Variants in TTC7A observed in about 807,000 individuals in gnomAD.
TTC7A encodes tetratricopeptide repeat protein 7A.
A neutral mutation model predicts 103.7 loss-of-function variants in TTC7A; 110 were observed. The ratio of observed to expected loss-of-function variants is 1.06; its 90% CI spans 0.91 to 1.24. The LOEUF (loss-of-function observed/expected upper bound fraction) is 1.24. TTC7A is among the 50% of genes most tolerant of loss of function. The pLI is 0.00. For missense variants in TTC7A, 1,340 were observed against 1,116.3 expected (o/e 1.20, Z -2.86); for synonymous variants, 521 against 467.9 (o/e 1.11, Z -1.47).
intron 2 of TTC7A, among the ~76,000 whole-genome samples, chr2:46,952,275 C>G (rs1671484771): frequency 6.6e-6 from 1 of 152,126 alleles, no homozygotes; most frequent in Admixed American, 6.6e-5. Flanking sequence ...TTCTCATCTG[C>G]TGGTCAAAAG....
In TTC7A at chr2:47,022,853, G is replaced by A. The variant is rs955116891; in HGVS notation, c.1511-555G>A. On this transcript the variant is annotated intron_variant, in intron 12 of 19. Coordinates refer to ENST00000319190, the MANE Select transcript of TTC7A (RefSeq NM_020458.4). ...GGTTGCTTTCTAAGCTTTCGAATCCGGGGAGCTCTGACAACTGTCAATGCT... is the reference window on the plus strand; with the variant it reads ...GGTTGCTTTCTAAGCTTTCGAATCCAGGGAGCTCTGACAACTGTCAATGCT... Among the ~76,000 whole-genome samples, 9 of 152,188 alleles carry A rather than the reference G, an allele frequency of 5.9e-5. No individual in the cohort carries two copies. The East Asian group carries it at 1.2e-3, about 20-fold the overall frequency.
chr2:46,949,967 C>G (rs1038484159), intron 1 of TTC7A, among the ~76,000 whole-genome samples: 9 of 152,094 alleles, frequency 5.9e-5, no homozygotes, highest in Admixed American at 5.9e-4. Context: ...ATTATTAAAC[C>G]ACTTCATGTA....
intron 5 of TTC7A, among the ~76,000 whole-genome samples, chr2:46,979,447 G>A (rs1213852749): frequency 6.6e-6 from 1 of 152,200 alleles, no homozygotes; most frequent in African/African-American, 2.4e-5. Flanking sequence ...TGCTGACGAA[G>A]CAGCAGAAGT....
chr2:47,026,218 A>T (rs1459486950), intron 14 of TTC7A, among the ~76,000 whole-genome samples: 1 of 152,144 alleles, frequency 6.6e-6, no homozygotes, highest in African/African-American at 2.4e-5. Flanking sequence ...CCAAGAGTAC[A>T]TCTGGCTGGC....
Position 47,029,321 on chromosome 2 carries a change from A to G in TTC7A, c.1739A>G (p.Lys580Arg), listed in dbSNP as rs1426773237. 14 of 1,614,082 alleles carry G rather than the reference A, an allele frequency of 8.7e-6. No individual in the cohort carries two copies. The highest frequency in any genetic ancestry group is 1.2e-5 in the Non-Finnish European group (14 of 1,180,014). Residue 580 changes from lysine (K) to arginine (R), a missense_variant, in exon 15 of 20, where the codon AAG becomes AGG. Coordinates refer to ENST00000319190, the MANE Select transcript of TTC7A (RefSeq NM_020458.4). ...HLLALLFSAQ[K>R]HHQHALDVVN... is the part of the protein sequence containing the mutation. The stretch of plus-strand genomic sequence containing the variant: ...CTGGCACTGCTCTTCTCTGCCCAGA[A>G]GCACCACCAGCATGCCCTGGATGTT...
chr2:46,987,809 C>CGTGTGTGT (rs34664382), intron 5 of TTC7A, among the ~76,000 whole-genome samples: 4,909 of 144,540 alleles, frequency 0.034, 145 homozygotes, highest in African/African-American at 0.09. Context: ...CCTTTCCGCG[C>CGTGTGTGT]GTGTGTGTGT....
intron 5 of TTC7A, among the ~76,000 whole-genome samples, chr2:46,980,000 A>G (rs1213023342): frequency 6.6e-6 from 1 of 152,196 alleles, no homozygotes. Context: ...CTCCTCACAC[A>G]CAAGGAAACC....
intron 2 of TTC7A, among the ~76,000 whole-genome samples, chr2:46,928,945 T>C (rs1417341014): frequency 3.3e-5 from 5 of 152,076 alleles, no homozygotes; most frequent in Non-Finnish European, 7.4e-5. Flanking sequence ...GGTGGATTAC[T>C]TGAGGTGAGG....
At chr2:46,957,744 G>T (rs1388145442) in intron 3 of TTC7A, among the ~76,000 whole-genome samples, 3 of 152,170 alleles carry the variant, frequency 2.0e-5, no homozygotes, top group Non-Finnish European at 4.4e-5. Context: ...TGTGCTTCAG[G>T]CTCCTTCTTC....
intron 2 of TTC7A, chr2:46,951,550 CCT>C (rs1203712808): frequency 2.2e-6 from 1 of 454,182 alleles, no homozygotes; most frequent in Non-Finnish European, 4.4e-6. Context: ...GCTTCCTTCC[CCT>C]CTGTCTCTCT....
At chr2:46,950,298 T>A in intron 1 of TTC7A, 65 bp from the exon 2 acceptor site, 1 of 1,573,120 alleles carries the variant, frequency 6.4e-7, no homozygotes, top group Non-Finnish European at 8.7e-7. Context: ...TCCAGGAGTG[T>A]GCAACTCCCT....
chr2:46,994,019 A>G (rs1300282823), intron 6 of TTC7A, among the ~76,000 whole-genome samples: 3 of 152,150 alleles, frequency 2.0e-5, no homozygotes, highest in East Asian at 1.9e-4. Flanking sequence ...CTGTGGCATT[A>G]TGCTCTTCCC....
At chr2:46,950,269 G>A in intron 1 of TTC7A, 94 bp from the exon 2 acceptor site, 2 of 1,321,826 alleles carry the variant, frequency 1.5e-6, no homozygotes, top group Non-Finnish European at 2.1e-6. Flanking sequence ...CATGTACTGG[G>A]TATGGGTGGT....
chr2:46,994,563 A>G (rs1558551559), intron 7 of TTC7A, 49 bp downstream of exon 7: 1 of 1,594,818 alleles, frequency 6.3e-7, no homozygotes, highest in African/African-American at 1.3e-5. Context: ...CATCTCACGC[A>G]GGGTTCTGTC....
At position 46,943,832 on chromosome 2, in the gene TTC7A, A is replaced by G. The variant is rs199673732; in HGVS notation, c.184+2107A>G. Among the ~76,000 whole-genome samples, 8 of 152,314 alleles carry G rather than the reference A, an allele frequency of 5.3e-5. No individual in the cohort carries two copies. In the East Asian group the frequency reaches 1.2e-3, roughly 22 times the overall value. Reference sequence around the variant, plus strand: ...TGGGAGAGGTTCTGAGATGGGGTTGAAACCCATTTTACTGAGGCCTTGAGG... The same window carrying G: ...TGGGAGAGGTTCTGAGATGGGGTTGGAACCCATTTTACTGAGGCCTTGAGG... On this transcript the variant is annotated intron_variant, in intron 1 of 19. Transcript: ENST00000319190.
At chr2:46,924,261 T>A (rs1379541800) in intron 2 of TTC7A, among the ~76,000 whole-genome samples, 1 of 149,856 alleles carries the variant, frequency 6.7e-6, no homozygotes, top group Non-Finnish European at 1.5e-5. Flanking sequence ...TCAAAGTCCC[T>A]GTAAACCAGT....
At chr2:46,979,645 G>T (rs1674240948) in intron 5 of TTC7A, among the ~76,000 whole-genome samples, 1 of 152,166 alleles carries the variant, frequency 6.6e-6, no homozygotes, top group South Asian at 2.1e-4. Context: ...TGTGTTGGGT[G>T]GTGGCAGGGG....
intron 19 of TTC7A, among the ~76,000 whole-genome samples, chr2:47,070,213 AGGCCACAGCCCCT>A (rs956639148): frequency 6.6e-6 from 1 of 152,256 alleles, no homozygotes; most frequent in African/African-American, 2.4e-5. Context: ...ATCCCCTCCC[AGGCCACAGCCCCT>A]GGCCACACAC....
At chr2:47,068,908 A>G (rs1684421256) in intron 19 of TTC7A, among the ~76,000 whole-genome samples, 1 of 147,686 alleles carries the variant, frequency 6.8e-6, no homozygotes, top group African/African-American at 2.5e-5. Context: ...CCCTACATGG[A>G]GAGAGAAGGT....
Sources: allele counts gnomAD v4.1 joint callset (sites outside exome capture counted in the v4.1 genomes callset), GRCh38; gene constraint gnomAD v4.1.1; transcripts MANE v1.5; gene names NCBI Gene and HGNC (gene_info 2026-07-23, HGNC 2026-07-21).